ZNF654: variants seen among roughly 807,000 people sequenced by gnomAD.
ZNF654 encodes melanoma-associated antigen.
Under a neutral mutation model 95.3 loss-of-function variants are expected in ZNF654, and 19 were observed. The observed-to-expected ratio is 0.20, with a 90% CI of 0.14 to 0.29. The LOEUF is 0.29. Among genes scored for constraint, ZNF654 ranks in the 10% least tolerant of loss-of-function variants. The pLI is 1.00. For synonymous variants in ZNF654, 413 were observed against 457.9 expected, an observed-to-expected ratio of 0.90 and a Z score of 1.25; for missense variants, 1,046 against 1,341.0, an observed-to-expected ratio of 0.78 and a Z score of 3.44.
intron 1 of ZNF654, among the ~76,000 whole-genome samples, chr3:88,070,750 C>T (rs1438439856): frequency 2.0e-5 from 3 of 152,144 alleles, no homozygotes; most frequent in Non-Finnish European, 4.4e-5. Context: ...CCTAGATTCT[C>T]GTTTATCCTT....
In ZNF654 at chr3:88,139,531, G is replaced by C; in HGVS notation, c.1862G>C (p.Cys621Ser). ...GTCACTGCTTTGGAAGAAATAAATT[G>C]TTCTAGTTCTTCCATTTCATTTGAA... is the stretch of plus-strand genomic sequence containing the variant. Reference protein sequence around the residue: ...QEVTALEEINCSSSSISFENG... With the variant: ...QEVTALEEINSSSSSISFENG... The change falls in exon 8 of 9, where the codon TGT (cysteine) becomes TCT (serine). Residue 621 changes from cysteine (C) to serine (S), a missense_variant. Around this residue, in one of 9 missense-constraint regions of ZNF654, gnomAD observed 495 missense variants for 537.0 expected, o/e 0.92. Transcript: ENST00000636215. 6.2e-7 allele frequency: 1 copy of C among 1,613,396 alleles called. No individual in the cohort carries two copies. The highest frequency in any genetic ancestry group is 8.5e-7 in the Non-Finnish European group (1 of 1,179,680).
chr3:88,089,037 T>C (rs1460116213), intron 2 of ZNF654, among the ~76,000 whole-genome samples: 1 of 151,776 alleles, frequency 6.6e-6, no homozygotes, highest in African/African-American at 2.4e-5. Context: ...GCTCCCAAAG[T>C]GCTGGGATTA....
At chr3:88,095,519 T>C (rs1266848981) in intron 2 of ZNF654, 3 of 488,124 alleles carry the variant, frequency 6.1e-6, no homozygotes, top group Admixed American at 2.3e-5. Context: ...TCACATTAGC[T>C]TCTTTTGCAA....
intron 3 of ZNF654, among the ~76,000 whole-genome samples, chr3:88,117,474 G>A (rs911067699): frequency 5.3e-5 from 8 of 152,074 alleles, no homozygotes; most frequent in African/African-American, 1.9e-4. Context: ...TAGAGCAACA[G>A]AAATAAATAG....
chr3:88,079,142 T>C (rs9829873), intron 1 of ZNF654, among the ~76,000 whole-genome samples: 119,021 of 151,924 alleles, frequency 0.78, 47,536 homozygotes, highest in South Asian at 0.91. Context: ...CAACCTAAAG[T>C]AACTTCAGGC....
chr3:88,094,229 A>G (rs1703921806), intron 2 of ZNF654, among the ~76,000 whole-genome samples: 1 of 152,076 alleles, frequency 6.6e-6, no homozygotes, highest in Non-Finnish European at 1.5e-5. Context: ...GCTAAAGTCA[A>G]TATTAAAAAA....
chr3:88,115,208 T>C (rs999654079), intron 3 of ZNF654, among the ~76,000 whole-genome samples: 4 of 152,208 alleles, frequency 2.6e-5, no homozygotes, highest in Non-Finnish European at 5.9e-5. Context: ...CAAGGTGATA[T>C]TAATGCTGCT....
chr3:88,092,425 A>G (rs1047185943), intron 2 of ZNF654, among the ~76,000 whole-genome samples: 4 of 152,162 alleles, frequency 2.6e-5, no homozygotes, highest in African/African-American at 9.6e-5. Context: ...ACAGAATGCA[A>G]TGAGAGGGCA....
At chr3:88,092,708 G>A (rs1466607491) in intron 2 of ZNF654, among the ~76,000 whole-genome samples, 1 of 152,054 alleles carries the variant, frequency 6.6e-6, no homozygotes. Context: ...ATAATTTAAG[G>A]AGATTATGTC....
At chr3:88,083,173 A>G (rs1402229965) in intron 1 of ZNF654, among the ~76,000 whole-genome samples, 2 of 152,180 alleles carry the variant, frequency 1.3e-5, no homozygotes, top group East Asian at 1.9e-4. Flanking sequence ...GTCTTCAAAT[A>G]CAGTCCCATC....
intron 2 of ZNF654, among the ~76,000 whole-genome samples, chr3:88,111,183 A>G (rs531047456): frequency 1.1e-4 from 17 of 152,200 alleles, no homozygotes; most frequent in African/African-American, 3.4e-4. Flanking sequence ...GTTACTAGGA[A>G]TAGAGAAGAT....
chr3:88,089,435 G>T (rs1708521470), intron 2 of ZNF654, among the ~76,000 whole-genome samples: 1 of 151,224 alleles, frequency 6.6e-6, no homozygotes, highest in Admixed American at 6.6e-5. Flanking sequence ...AGGTTGCAGT[G>T]AGCCAAGATC....
At chr3:88,074,873 G>C (rs1297458726) in intron 1 of ZNF654, among the ~76,000 whole-genome samples, 1 of 152,180 alleles carries the variant, frequency 6.6e-6, no homozygotes, top group Non-Finnish European at 1.5e-5. Context: ...AGGCTCACCA[G>C]TGTGCCAGTT....
chr3:88,134,122 G>A (rs1280523161), intron 6 of ZNF654, among the ~76,000 whole-genome samples: 1 of 151,654 alleles, frequency 6.6e-6, no homozygotes, highest in Non-Finnish European at 1.5e-5. Flanking sequence ...AAAAGGTGGG[G>A]GGTAGTGGAC....
chr3:88,092,669 A>G (rs1703815392), intron 2 of ZNF654, among the ~76,000 whole-genome samples: 1 of 152,280 alleles, frequency 6.6e-6, no homozygotes, highest in Non-Finnish European at 1.5e-5. Flanking sequence ...TTTGCTTGAC[A>G]TATGAAGTTT....
intron 2 of ZNF654, among the ~76,000 whole-genome samples, chr3:88,101,196 A>T (rs761816724): frequency 8.5e-5 from 13 of 152,158 alleles, no homozygotes; most frequent in Non-Finnish European, 1.9e-4. Context: ...GGTAAGTTTT[A>T]TAGAGTTGTG....
At chr3:88,088,630 C>A (rs1197806842) in intron 2 of ZNF654, among the ~76,000 whole-genome samples, 2 of 151,986 alleles carry the variant, frequency 1.3e-5, no homozygotes, top group Non-Finnish European at 2.9e-5. Flanking sequence ...TGTGTGTACA[C>A]TGTGCGTCTT....
intron 4 of ZNF654, among the ~76,000 whole-genome samples, chr3:88,128,316 A>G (rs1706242445): frequency 1.3e-5 from 2 of 152,124 alleles, no homozygotes; most frequent in African/African-American, 4.8e-5. Flanking sequence ...TTTAAATAAA[A>G]TATATTTTTC....
chr3:88,095,693 G>GTCT (rs1704018642), intron 2 of ZNF654: 2 of 414,176 alleles, frequency 4.8e-6, no homozygotes, highest in Non-Finnish European at 9.2e-6. Context: ...AGCACAGTTT[G>GTCT]AGAAATTGGA....
Sources: gnomAD v4.1 joint callset for allele counts (sites outside exome capture counted in the v4.1 genomes callset) on GRCh38, gnomAD v4.1.1 for gene constraint, gnomAD v4.1.1 regional missense constraint, MANE v1.5 for transcripts, NCBI Gene and HGNC (gene_info 2026-07-23, HGNC 2026-07-21) for gene names.